The following ADAMTS9 variants were observed in gnomAD, a reference collection of about 807,000 sequenced individuals.
The protein encoded by ADAMTS9 is ADAM metallopeptidase with thrombospondin type 1 motif 9, also known as A disintegrin and metalloproteinase with thrombospondin motifs 9.
ADAMTS9 carries 107 observed loss-of-function variants against 257.1 expected under a neutral mutation model. The ratio of observed to expected loss-of-function variants is 0.42; its 90% CI spans 0.36 to 0.49. ADAMTS9 has a LOEUF of 0.49. ADAMTS9 is among the 20% of genes least tolerant of loss of function. The pLI is 0.03. For synonymous variants in ADAMTS9, 982 were observed against 880.9 expected, an observed-to-expected ratio of 1.11 and a Z score of -2.03; for missense variants, 2,353 against 2,469.1, an observed-to-expected ratio of 0.95 and a Z score of 1.00.
In ADAMTS9 at chr3:64,546,928, A is replaced by G. The variant is rs1248606907; in HGVS notation, c.4894T>C (p.Tyr1632His). Residue 1632 changes from tyrosine (Y) to histidine (H), a missense_variant, in exon 32 of 40, where the codon TAC (tyrosine) becomes CAC (histidine). This residue lies in a region of ADAMTS9 where 1,402 missense variants were observed against 1,441.4 expected (regional missense o/e 0.97). Transcript: ENST00000498707. ...SECSVTCGKG[Y>H]KQRLVSCSEI... ...CTGCACGAGACAAGCCTTTGTTTGTAGCCTTTTCCACAGGTCACTGAGCAC... is the reference window on the plus strand; with the variant it reads ...CTGCACGAGACAAGCCTTTGTTTGTGGCCTTTTCCACAGGTCACTGAGCAC... The G allele has an allele frequency of 6.2e-7, 1 of 1,611,392 alleles. No homozygotes were observed. The highest frequency in any genetic ancestry group is 1.3e-5 in the African/African-American group (1 of 75,028).
In ADAMTS9 at chr3:64,686,520, G is replaced by A; in HGVS notation, c.516+48C>T. ...TAGAGGACAATTAAGTCTTCTAGAA[G>A]CGGGCGAGGAGGCGGAAGGGGAGAG... On this transcript the variant is annotated intron_variant, in intron 2 of 39. Coordinates refer to ENST00000498707, the MANE Select transcript of ADAMTS9 (RefSeq NM_182920.2). The surrounding 1 kb of genome is among the most constrained non-coding windows in gnomAD (Gnocchi z 4.6). 1 of 1,529,216 alleles carries A rather than the reference G, an allele frequency of 6.5e-7. No individual in the cohort carries two copies. The allele number at this position is 1,529,216 out of a possible 1,614,324, so 94.7% of individuals were successfully genotyped here. A position where few individuals can be genotyped will look rare whatever the true frequency, so the allele number is the denominator to read the frequency against.
At chr3:64,605,859 G>T (rs535108468) in intron 23 of ADAMTS9, among the ~76,000 whole-genome samples, 1 of 152,224 alleles carries the variant, frequency 6.6e-6, no homozygotes, top group South Asian at 2.1e-4. Context: ...TGATATAAAG[G>T]AGGTATAGCA....
At chr3:64,590,296 G>T (rs749244739) in intron 28 of ADAMTS9, among the ~76,000 whole-genome samples, 4 of 152,066 alleles carry the variant, frequency 2.6e-5, no homozygotes, top group Non-Finnish European at 5.9e-5. Context: ...TTGAGGGAGG[G>T]GTTGTACAGG....
At chr3:64,586,329 C>T (rs538933864) in intron 28 of ADAMTS9, among the ~76,000 whole-genome samples, 1 of 152,126 alleles carries the variant, frequency 6.6e-6, no homozygotes, top group East Asian at 1.9e-4. Context: ...GGAGGAAACA[C>T]ATTGTGTGAC....
chr3:64,686,184 G>A lies in ADAMTS9; in HGVS notation c.516+384C>T, dbSNP rs1701901280. On this transcript the variant is annotated intron_variant, in intron 2 of 39. Coordinates refer to ENST00000498707, the MANE Select transcript of ADAMTS9 (RefSeq NM_182920.2). The surrounding 1 kb of genome is among the most constrained non-coding windows in gnomAD (Gnocchi z 4.6). ...TGCAAGGCGCACCAATAAGGAGTCT[G>A]GTCCGCCCTGCGCTCAGCGGCTCCG... Among the ~76,000 whole-genome samples, 1 of 152,360 alleles carries A rather than the reference G, an allele frequency of 6.6e-6. No individual in the cohort carries two copies. Among genetic ancestry groups the A allele is most frequent in the Admixed American group, 6.5e-5 (1 of 15,310 alleles).
intron 36 of ADAMTS9, 36 bp from the exon 37 acceptor site, chr3:64,539,330 G>A: frequency 1.3e-6 from 2 of 1,561,562 alleles, no homozygotes; most frequent in South Asian, 2.2e-5. Context: ...GCAGGGGAAG[G>A]TAAGAGTGGG....
chr3:64,674,490 G>C (rs1488659271), intron 3 of ADAMTS9, among the ~76,000 whole-genome samples: 4 of 152,182 alleles, frequency 2.6e-5, no homozygotes, highest in African/African-American at 4.8e-5. Context: ...AATAATCAGA[G>C]CATCTTCCTC....
chr3:64,559,225 G>T (rs1276206812), intron 30 of ADAMTS9, among the ~76,000 whole-genome samples: 1 of 152,114 alleles, frequency 6.6e-6, no homozygotes, highest in Non-Finnish European at 1.5e-5. Flanking sequence ...GCTCAGTCTT[G>T]CTGCTTTGGG....
At chr3:64,556,445 C>T (rs550879670) in intron 30 of ADAMTS9, among the ~76,000 whole-genome samples, 1 of 152,286 alleles carries the variant, frequency 6.6e-6, no homozygotes, top group South Asian at 2.1e-4. Flanking sequence ...TTCAGCCTCC[C>T]AGGTAGCTGG....
At chr3:64,613,548 T>C in intron 21 of ADAMTS9, 39 bp from the exon 22 acceptor site, 1 of 1,591,058 alleles carries the variant, frequency 6.3e-7, no homozygotes, top group Non-Finnish European at 8.6e-7. Flanking sequence ...TCATTTCTGA[T>C]CAATGTGTTG....
chr3:64,533,238 G>A lies in ADAMTS9; in HGVS notation c.5646C>T (p.Gly1882=), dbSNP rs138920906. Reference sequence around the variant, plus strand: ...ATCTGGCAGATTCAGTTAAAGACAAGCCGGTTCCATAAAGGTTGATGCTAA... The same window carrying A: ...ATCTGGCAGATTCAGTTAAAGACAAACCGGTTCCATAAAGGTTGATGCTAA... ...GRFSINLYGT[G]LSLTESARWI... The change falls in exon 38 of 40, where the codon GGC becomes GGT. Residue 1882 remains glycine (G), a synonymous_variant. Transcript: ENST00000498707. 2 of 1,614,104 alleles carry A rather than the reference G, an allele frequency of 1.2e-6. No individual in the cohort carries two copies. The highest frequency in any genetic ancestry group is 1.7e-6 in the Non-Finnish European group (2 of 1,179,994).
In ADAMTS9 at chr3:64,546,918, C is replaced by A. The variant is rs2083208093; in HGVS notation, c.4904G>T (p.Arg1635Met). 1.2e-6 allele frequency: 2 copies of A among 1,612,098 alleles called. No homozygotes were observed. Among genetic ancestry groups the A allele is most frequent in the Non-Finnish European group, 1.7e-6 (2 of 1,179,112 alleles). Reference sequence around the variant, plus strand: ...GTAAATCTCGCTGCACGAGACAAGCCTTTGTTTGTAGCCTTTTCCACAGGT... The same window carrying A: ...GTAAATCTCGCTGCACGAGACAAGCATTTGTTTGTAGCCTTTTCCACAGGT... ...SVTCGKGYKQ[R>M]LVSCSEIYTG... The change falls in exon 32 of 40, where the codon AGG (arginine) becomes ATG (methionine). Residue 1635 changes from arginine (R) to methionine (M), a missense_variant. By Grantham distance (91) the Arg-to-Met change is moderately conservative. Around this residue, in one of 3 missense-constraint regions of ADAMTS9, gnomAD observed 1,402 missense variants for 1,441.4 expected, o/e 0.97. Transcript: ENST00000498707.
At chr3:64,666,020 G>T (rs1701347085) in intron 3 of ADAMTS9, among the ~76,000 whole-genome samples, 1 of 152,032 alleles carries the variant, frequency 6.6e-6, no homozygotes, top group South Asian at 2.1e-4. Flanking sequence ...CAACAGCAAT[G>T]ACAAAACAAG....
At chr3:64,682,193 C>A (rs1701774895) in intron 2 of ADAMTS9, among the ~76,000 whole-genome samples, 1 of 152,200 alleles carries the variant, frequency 6.6e-6, no homozygotes, top group Non-Finnish European at 1.5e-5. Context: ...AGTTCCTTAA[C>A]CACTCTGTTT....
chr3:64,543,691 C>T (rs1393205574), intron 32 of ADAMTS9, among the ~76,000 whole-genome samples: 3 of 152,122 alleles, frequency 2.0e-5, no homozygotes, highest in Admixed American at 6.5e-5. Flanking sequence ...GGAAGCATTC[C>T]CTTTGAAAAT....
intron 30 of ADAMTS9, among the ~76,000 whole-genome samples, chr3:64,554,829 A>C (rs766770601): frequency 5.3e-5 from 8 of 152,152 alleles, no homozygotes; most frequent in African/African-American, 9.6e-5. Context: ...TTTGAGGGTG[A>C]GGAAGACCTA....
rs1180329842 is a variant in ADAMTS9, at chr3:64,687,468, GTGCCCC to G, written c.115+69_115+74del. On this transcript the variant is annotated intron_variant, in intron 1 of 39. Transcript: ENST00000498707. This position sits in a 1 kb window ranked among gnomAD's most constrained non-coding sequence, Gnocchi z 4.4. ...AAAGGAGAGAAGCCTCCGCTGCGGG[GTGCCCC>G]TGCCCAGGAGCGAGGACCGGGAGGC... is the stretch of plus-strand genomic sequence containing the variant. 8.5e-7 allele frequency: 1 copy of G among 1,180,208 alleles called. No homozygotes were observed. Among genetic ancestry groups the G allele is most frequent in the Non-Finnish European group, 1.2e-6 (1 of 863,276 alleles). 73.1% of individuals were successfully genotyped at this position (1,180,208 alleles called of 1,614,324 possible).
At chr3:64,536,993 C>T (rs2083059157) in intron 37 of ADAMTS9, among the ~76,000 whole-genome samples, 1 of 152,196 alleles carries the variant, frequency 6.6e-6, no homozygotes, top group South Asian at 2.1e-4. Context: ...AAGGCTGAAC[C>T]ACCTACTCCG....
chr3:64,613,259 C>T (rs1421901227), intron 22 of ADAMTS9, 86 bp downstream of exon 22: 3 of 1,510,582 alleles, frequency 2.0e-6, no homozygotes, highest in Non-Finnish European at 1.8e-6. Flanking sequence ...GCGGTTAAAT[C>T]TCCACCACTG....
Sources: gnomAD v4.1 joint callset for allele counts (sites outside exome capture counted in the v4.1 genomes callset) on GRCh38, gnomAD v4.1.1 for gene constraint, gnomAD v4.1.1 regional missense constraint, Gnocchi (gnomAD v3.1) non-coding constraint, MANE v1.5 for transcripts, NCBI Gene and HGNC (gene_info 2026-07-23, HGNC 2026-07-21) for gene names.